The following MRC2 variants were observed in gnomAD, a reference collection of about 807,000 sequenced individuals.
MRC2 encodes mannose receptor C-type 2, also known as C-type mannose receptor 2.
A neutral mutation model predicts 206.2 loss-of-function variants in MRC2; 84 were observed. The observed-to-expected ratio is 0.41, with a 90% CI of 0.34 to 0.49. MRC2 has a LOEUF of 0.49. MRC2 is among the 20% of genes least tolerant of loss of function. The pLI, the probability that MRC2 is intolerant of heterozygous loss-of-function variation, is 0.31. For synonymous variants in MRC2, 798 were observed against 800.0 expected, an observed-to-expected ratio of 1.00 and a Z score of 0.04; for missense variants, 1,676 against 2,001.5, an observed-to-expected ratio of 0.84 and a Z score of 3.10.
intron 1 of MRC2, among the ~76,000 whole-genome samples, chr17:62,656,519 G>A (rs576117672): frequency 1.3e-5 from 2 of 152,206 alleles, no homozygotes; most frequent in Non-Finnish European, 2.9e-5. Context: ...TTCCCTTACA[G>A]TGCTTCATAA....
chr17:62,674,249 C>CA, intron 9 of MRC2, 79 bp downstream of exon 9: 1 of 1,050,114 alleles, frequency 9.5e-7, no homozygotes, highest in Non-Finnish European at 1.4e-6. Context: ...TGGATGAACT[C>CA]CTGCTGCCTC....
chr17:62,643,858 G>T (rs562267696), intron 1 of MRC2, among the ~76,000 whole-genome samples: 29 of 151,996 alleles, frequency 1.9e-4, no homozygotes, highest in Admixed American at 5.2e-4. Context: ...TGATTTTTAC[G>T]AATATTTTTA....
At position 62,685,807 on chromosome 17, in the gene MRC2, G is replaced by T. The variant is rs532010837; in HGVS notation, c.2947-2482G>T. ...TCCTCCTGCCTTGGCCTTCCAAAGG[G>T]CAGGGATTACAGGTGTGCGCCACTG... is the stretch of plus-strand genomic sequence containing the variant. On this transcript the variant is annotated intron_variant, in intron 20 of 29. Coordinates refer to ENST00000303375, the MANE Select transcript of MRC2 (RefSeq NM_006039.5). 8.5e-5 allele frequency among the ~76,000 whole-genome samples: 13 copies of T among 152,310 alleles called. 1 individual carries two copies. In the South Asian group the frequency reaches 2.5e-3, roughly 29 times the overall value.
At chr17:62,627,974 G>A in intron 1 of MRC2, 54 bp downstream of exon 1, 1 of 1,226,648 alleles carries the variant, frequency 8.2e-7, no homozygotes, top group East Asian at 3.1e-5. Flanking sequence ...GGAGCGCCGA[G>A]GCGCGGGCCG....
intron 20 of MRC2, among the ~76,000 whole-genome samples, chr17:62,683,532 T>TA (rs1412297596): frequency 7.0e-6 from 1 of 143,594 alleles, no homozygotes; most frequent in South Asian, 2.2e-4. Flanking sequence ...TTTTTTTTTT[T>TA]ACTAGTGGTA....
At chr17:62,673,048 C>T (rs2088847345) in intron 8 of MRC2, among the ~76,000 whole-genome samples, 1 of 152,016 alleles carries the variant, frequency 6.6e-6, no homozygotes, top group Non-Finnish European at 1.5e-5. Context: ...ACCACCCTTC[C>T]TAGGGACAGA....
intron 6 of MRC2, among the ~76,000 whole-genome samples, chr17:62,669,388 G>C (rs1439030827): frequency 6.6e-6 from 1 of 151,896 alleles, no homozygotes; most frequent in Non-Finnish European, 1.5e-5. Context: ...GCTAACTTTT[G>C]TATTTTTAGT....
At position 62,681,850 on chromosome 17, in the gene MRC2, T is replaced by A; in HGVS notation, c.2716T>A (p.Ser906Thr). 1.9e-6 allele frequency: 3 copies of A among 1,613,598 alleles called. No individual in the cohort carries two copies. The highest frequency in any genetic ancestry group is 2.5e-6 in the Non-Finnish European group (3 of 1,179,830). Residue 906 changes from serine to threonine, a missense_variant, in exon 19 of 30, where the codon TCC becomes ACC. Ser to Thr is a moderately conservative substitution (Grantham distance 58, BLOSUM62 1). Coordinates refer to ENST00000303375, the MANE Select transcript of MRC2 (RefSeq NM_006039.5). ...ATGCCATTGCAGATGGACAGATGGT[T>A]CCATTATAAACTTCATCTCCTGGGC... ...SDGRFRWTDGSIINFISWAPG... is the reference protein window; with the variant it reads ...SDGRFRWTDGTIINFISWAPG...
chr17:62,636,461 A>ATTTTTTTTTTTT (rs60774612), intron 1 of MRC2, among the ~76,000 whole-genome samples: 3 of 76,934 alleles, frequency 3.9e-5, no homozygotes, highest in African/African-American at 5.3e-5. Flanking sequence ...TAATCTTCTG[A>ATTTTTTTTTTTT]TTTTTTTTTT....
intron 1 of MRC2, among the ~76,000 whole-genome samples, chr17:62,633,792 G>A (rs1477668597): frequency 1.6e-5 from 2 of 122,808 alleles, no homozygotes; most frequent in Admixed American, 2.1e-4. Context: ...AGTGAGCCAC[G>A]ATTGCATCAT....
intron 1 of MRC2, among the ~76,000 whole-genome samples, chr17:62,651,986 A>C (rs191476492): frequency 2.7e-4 from 41 of 152,140 alleles, no homozygotes; most frequent in Admixed American, 2.2e-3. Flanking sequence ...TTTTTCTTTT[A>C]AGTCAGAAAA....
chr17:62,644,140 T>C (rs1168768622), intron 1 of MRC2, among the ~76,000 whole-genome samples: 1 of 151,926 alleles, frequency 6.6e-6, no homozygotes. Context: ...GTCTGGAGGC[T>C]GGGTGTGGTG....
At chr17:62,641,004 G>T (rs962868190) in intron 1 of MRC2, among the ~76,000 whole-genome samples, 2 of 151,476 alleles carry the variant, frequency 1.3e-5, no homozygotes, top group South Asian at 4.2e-4. Context: ...CACTGTGCCC[G>T]GCCTAATTTT....
At chr17:62,635,395 C>T (rs1325316687) in intron 1 of MRC2, among the ~76,000 whole-genome samples, 1 of 152,110 alleles carries the variant, frequency 6.6e-6, no homozygotes, top group Non-Finnish European at 1.5e-5. Flanking sequence ...TCACCTTCCT[C>T]TTCATCCTTA....
chr17:62,660,959 T>C (rs1350006463), intron 1 of MRC2, among the ~76,000 whole-genome samples: 1 of 152,214 alleles, frequency 6.6e-6, no homozygotes, highest in Non-Finnish European at 1.5e-5. Flanking sequence ...ATGAAGAGCA[T>C]TATAATCAAG....
At chr17:62,681,395 A>T in intron 18 of MRC2, 1 of 555,536 alleles carries the variant, frequency 1.8e-6, no homozygotes, top group Admixed American at 3.3e-5. Flanking sequence ...AAATAATGGC[A>T]GCTCCTGTTA....
intron 1 of MRC2, among the ~76,000 whole-genome samples, chr17:62,663,840 C>T (rs2088709353): frequency 6.6e-6 from 1 of 151,964 alleles, no homozygotes; most frequent in African/African-American, 2.4e-5. Context: ...AAAACCACGC[C>T]ATGTAATAGA....
At position 62,666,704 on chromosome 17, in the gene MRC2, C is replaced by CG; in HGVS notation, c.860-48dup. On this transcript the variant is annotated intron_variant, in intron 4 of 29. Coordinates refer to ENST00000303375, the MANE Select transcript of MRC2 (RefSeq NM_006039.5). This position sits in a 1 kb window ranked among gnomAD's most constrained non-coding sequence, Gnocchi z 5.0. ...GGGTTGGGGAGAGGGCGATGGGGAG[C>CG]GGGGGAGGCTGGGGCTGGGGATCCC... is the stretch of plus-strand genomic sequence containing the variant. 1 of 636,734 alleles carries CG rather than the reference C, an allele frequency of 1.6e-6. No individual in the cohort carries two copies. Among genetic ancestry groups the CG allele is most frequent in the Non-Finnish European group, 2.7e-6 (1 of 364,578 alleles). The allele number at this position is 636,734 out of a possible 1,614,324, so 39.4% of individuals were successfully genotyped here. A position where few individuals can be genotyped will look rare whatever the true frequency, so the allele number is the denominator to read the frequency against.
At chr17:62,681,032 T>A (rs781757272) in intron 17 of MRC2, 30 bp from the exon 18 acceptor site, 2 of 1,612,820 alleles carry the variant, frequency 1.2e-6, no homozygotes, top group South Asian at 1.1e-5. Flanking sequence ...GGGGGCTGCC[T>A]ACCCACACCT....
Sources: allele counts gnomAD v4.1 joint callset (sites outside exome capture counted in the v4.1 genomes callset), GRCh38; gene constraint gnomAD v4.1.1; non-coding constraint Gnocchi (gnomAD v3.1); transcripts MANE v1.5; gene names NCBI Gene and HGNC (gene_info 2026-07-23, HGNC 2026-07-21).